Variants in APBB1IP observed in about 807,000 individuals in gnomAD.
The protein encoded by APBB1IP is amyloid beta A4 precursor protein-binding family B member 1-interacting protein.
APBB1IP carries 27 observed loss-of-function variants against 64.9 expected under a neutral mutation model. The ratio of observed to expected loss-of-function variants is 0.42; its 90% CI spans 0.31 to 0.57. APBB1IP has a LOEUF of 0.57. APBB1IP is among the 20% of genes least tolerant of loss of function. The pLI, the probability that APBB1IP is intolerant of heterozygous loss-of-function variation, is 0.20. For synonymous variants in APBB1IP, 392 were observed against 331.0 expected, an observed-to-expected ratio of 1.18 and a Z score of -2.00; for missense variants, 812 against 845.5, an observed-to-expected ratio of 0.96 and a Z score of 0.49.
chr10:26,495,972 T>C (rs1238310990), intron 3 of APBB1IP, among the ~76,000 whole-genome samples: 1 of 143,784 alleles, frequency 7.0e-6, no homozygotes, highest in Non-Finnish European at 1.5e-5. Flanking sequence ...ATTTAATATA[T>C]ATAAATATAA....
Position 26,567,683 on chromosome 10 carries a change from C to T in APBB1IP, c.*195C>T. ...ATCTGCCCAAATGTACATATCGTTC[C>T]CATGTATTTTAACCTAAATGGAATG... On this transcript the variant is annotated 3_prime_UTR_variant, in exon 15 of 15. Transcript: ENST00000376236. The T allele has an allele frequency of 7.8e-7, 1 of 1,283,196 alleles. No homozygotes were observed. The highest frequency in any genetic ancestry group is 1.0e-6 in the Non-Finnish European group (1 of 993,500). The allele number at this position is 1,283,196 out of a possible 1,614,324, so 79.5% of individuals were successfully genotyped here.
intron 4 of APBB1IP, among the ~76,000 whole-genome samples, chr10:26,496,781 CATA>C (rs1408027250): frequency 2.5e-4 from 37 of 150,928 alleles, no homozygotes; most frequent in Admixed American, 2.1e-3. Context: ...ATAGATACTT[CATA>C]ATATTTTATT....
At chr10:26,439,141 C>T (rs1051149482) in intron 2 of APBB1IP, among the ~76,000 whole-genome samples, 8 of 152,114 alleles carry the variant, frequency 5.3e-5, no homozygotes, top group Non-Finnish European at 1.2e-4. Context: ...GATTTCCTGC[C>T]CAGGAAATTG....
intron 2 of APBB1IP, among the ~76,000 whole-genome samples, chr10:26,443,661 T>G (rs1271567414): frequency 6.6e-6 from 1 of 151,572 alleles, no homozygotes; most frequent in Non-Finnish European, 1.5e-5. Context: ...CAGCCTCTCA[T>G]GTAGCTGGGA....
chr10:26,460,811 G>A lies in APBB1IP; in HGVS notation c.-1+21958G>A, dbSNP rs117175629. Among the ~76,000 whole-genome samples, 36 of 152,244 alleles carry A rather than the reference G, an allele frequency of 2.4e-4. No individual in the cohort carries two copies. The East Asian group carries it at 4.6e-3, about 20-fold the overall frequency. The stretch of plus-strand genomic sequence containing the variant: ...CCTGTCAGAGGGTTGGATGGGGAGC[G>A]GGGAGAGCATCAGGAAGAATAGCTA... On this transcript the variant is annotated intron_variant, in intron 2 of 14. Transcript: ENST00000376236.
At chr10:26,514,536 G>A (rs2132447974) in intron 8 of APBB1IP, among the ~76,000 whole-genome samples, 1 of 152,248 alleles carries the variant, frequency 6.6e-6, no homozygotes, top group East Asian at 1.9e-4. Flanking sequence ...ATGTGTACAA[G>A]CATGTCCAGG....
At chr10:26,467,194 C>A (rs1296895881) in intron 2 of APBB1IP, among the ~76,000 whole-genome samples, 1 of 152,082 alleles carries the variant, frequency 6.6e-6, no homozygotes, top group African/African-American at 2.4e-5. Context: ...GCGTGAGCCA[C>A]CGTGCCCAGC....
chr10:26,493,436 T>C (rs1294250988), intron 3 of APBB1IP, among the ~76,000 whole-genome samples: 1 of 152,198 alleles, frequency 6.6e-6, no homozygotes, highest in African/African-American at 2.4e-5. Context: ...TGTTCAGAGA[T>C]TGCAGTAAAG....
Position 26,492,118 on chromosome 10 carries a change from CCCA to C in APBB1IP, c.1-208_1-206del, listed in dbSNP as rs572455803. Reference sequence around the variant, plus strand: ...ATTCAACTGTGGCTCTGAGGCATTTCCCAACGTTTGGCACAATCTTGGATCAAG... The same window carrying C: ...ATTCAACTGTGGCTCTGAGGCATTTCACGTTTGGCACAATCTTGGATCAAG... On this transcript the variant is annotated intron_variant, in intron 2 of 14. Transcript: ENST00000376236. 3.5e-3 allele frequency among the ~76,000 whole-genome samples: 527 copies of C among 152,246 alleles called. 3 individuals carry two copies. Among genetic ancestry groups the C allele is most frequent in the African/African-American group, 0.012 (500 of 41,542 alleles).
At chr10:26,506,043 T>G (rs1836171596) in intron 6 of APBB1IP, among the ~76,000 whole-genome samples, 1 of 152,172 alleles carries the variant, frequency 6.6e-6, no homozygotes, top group Non-Finnish European at 1.5e-5. Context: ...ACTCTAGGCC[T>G]GCCCTTGCCT....
At chr10:26,452,616 G>A (rs1360412457) in intron 2 of APBB1IP, among the ~76,000 whole-genome samples, 1 of 152,184 alleles carries the variant, frequency 6.6e-6, no homozygotes, top group Admixed American at 6.5e-5. Flanking sequence ...AATTAAATGA[G>A]ATACTGTAGG....
At chr10:26,455,804 A>G (rs752539578) in intron 2 of APBB1IP, among the ~76,000 whole-genome samples, 8 of 152,186 alleles carry the variant, frequency 5.3e-5, no homozygotes, top group Non-Finnish European at 1.0e-4. Context: ...CACTCTTAGG[A>G]GTGCCAAGAG....
In APBB1IP at chr10:26,538,413, C is replaced by T. The variant is rs969339489; in HGVS notation, c.1044+2196C>T. On this transcript the variant is annotated intron_variant, in intron 10 of 14. Coordinates refer to ENST00000376236, the MANE Select transcript of APBB1IP (RefSeq NM_019043.4). ...ATCCCAGCACTTTGGGAGGCCGAGGCGGGCGAATCACGAGGTCAGGAGTTT... is the reference window on the plus strand; with the variant it reads ...ATCCCAGCACTTTGGGAGGCCGAGGTGGGCGAATCACGAGGTCAGGAGTTT... 1.1e-4 allele frequency among the ~76,000 whole-genome samples: 17 copies of T among 151,718 alleles called. No homozygotes were observed. The East Asian group carries it at 1.4e-3, about 12-fold the overall frequency.
chr10:26,517,618 G>T (rs1588599048), intron 8 of APBB1IP, among the ~76,000 whole-genome samples: 1 of 152,094 alleles, frequency 6.6e-6, no homozygotes, highest in Non-Finnish European at 1.5e-5. Flanking sequence ...TTTTGTTTTT[G>T]TTTTTTTGAG....
chr10:26,542,408 G>C (rs787045), intron 11 of APBB1IP, among the ~76,000 whole-genome samples: 20,138 of 152,110 alleles, frequency 0.13, 1,441 homozygotes, highest in East Asian at 0.32. Context: ...CACCTACCTT[G>C]GCATCCCAAA....
At chr10:26,495,035 G>C (rs762265156) in intron 3 of APBB1IP, among the ~76,000 whole-genome samples, 5 of 148,292 alleles carry the variant, frequency 3.4e-5, no homozygotes, top group Non-Finnish European at 7.4e-5. Context: ...TTGAGATAGA[G>C]TCTCACTCTG....
intron 2 of APBB1IP, among the ~76,000 whole-genome samples, chr10:26,482,590 T>C (rs770244800): frequency 6.6e-6 from 1 of 152,212 alleles, no homozygotes; most frequent in Non-Finnish European, 1.5e-5. Flanking sequence ...ATAAGCTTTT[T>C]AAAATTTTTT....
At chr10:26,455,626 C>T (rs564152704) in intron 2 of APBB1IP, among the ~76,000 whole-genome samples, 1 of 152,168 alleles carries the variant, frequency 6.6e-6, no homozygotes, top group Admixed American at 6.5e-5. Flanking sequence ...AAAATACATA[C>T]ACTTCCCGAA....
chr10:26,547,746 G>C (rs1836784853), intron 11 of APBB1IP, among the ~76,000 whole-genome samples: 1 of 152,020 alleles, frequency 6.6e-6, no homozygotes, highest in South Asian at 2.1e-4. Context: ...CGCCCGGCCA[G>C]TTTTGGGTCA....
Sources: allele counts gnomAD v4.1 joint callset (sites outside exome capture counted in the v4.1 genomes callset), GRCh38; gene constraint gnomAD v4.1.1; transcripts MANE v1.5; gene names NCBI Gene and HGNC (gene_info 2026-07-23, HGNC 2026-07-21).